Variants in BCR observed in about 807,000 individuals in gnomAD.
BCR encodes the protein BCR activator of RhoGEF and GTPase.
A neutral mutation model predicts 138.6 loss-of-function variants in BCR; 58 were observed. That is an observed-to-expected ratio of 0.42 (90% CI 0.34 to 0.52). BCR has a LOEUF of 0.52. Among genes scored for constraint, BCR ranks in the 20% least tolerant of loss-of-function variants. BCR has a pLI of 0.06. For synonymous variants in BCR, 786 were observed against 730.1 expected (o/e 1.08, Z -1.23); for missense variants, 1,599 against 1,727.2 (o/e 0.93, Z 1.32).
intron 1 of BCR, among the ~76,000 whole-genome samples, chr22:23,212,344 G>T (rs2072695576): frequency 6.6e-6 from 1 of 152,204 alleles, no homozygotes; most frequent in Non-Finnish European, 1.5e-5. Context: ...TCCCTTCACT[G>T]TCCATAGTCC....
Position 23,290,393 on chromosome 22 carries a change from C to T in BCR, c.2762C>T (p.Thr921Ile). ...GFLNVIVHSA[T>I]GFKQSSNLYC... The stretch of plus-strand genomic sequence containing the variant: ...CTGAATGTCATCGTCCACTCAGCCA[C>T]TGGATTTAAGCAGAGTTCAAGTAAG... Residue 921 changes from threonine (T) to isoleucine (I), a missense_variant, in exon 14 of 23, where the codon ACT becomes ATT. Around this residue, in one of 4 missense-constraint regions of BCR, gnomAD observed 590 missense variants for 762.4 expected, o/e 0.77. Coordinates refer to ENST00000305877, the MANE Select transcript of BCR (RefSeq NM_004327.4). 1 of 1,614,160 alleles carries T rather than the reference C, an allele frequency of 6.2e-7. No homozygotes were observed. The highest frequency in any genetic ancestry group is 1.7e-5 in the Admixed American group (1 of 60,030).
chr22:23,257,584 TCTC>T (rs906330785), intron 2 of BCR, among the ~76,000 whole-genome samples: 5 of 152,154 alleles, frequency 3.3e-5, no homozygotes, highest in African/African-American at 4.8e-5. Context: ...CTTCACCTCT[TCTC>T]CTCTTGTGGA....
At chr22:23,205,513 T>C (rs1370027345) in intron 1 of BCR, among the ~76,000 whole-genome samples, 2 of 152,156 alleles carry the variant, frequency 1.3e-5, no homozygotes, top group African/African-American at 2.4e-5. Context: ...CCATTCAGCG[T>C]CCAGGATCCG....
intron 13 of BCR, 61 bp from the exon 14 acceptor site, chr22:23,290,278 C>A: frequency 6.6e-7 from 1 of 1,524,568 alleles, no homozygotes; most frequent in Non-Finnish European, 9.1e-7. Context: ...GCAGAGTTAG[C>A]TTGTCACCTG....
chr22:23,295,938 C>G (rs1036693315), intron 16 of BCR, among the ~76,000 whole-genome samples: 2 of 152,126 alleles, frequency 1.3e-5, no homozygotes, highest in African/African-American at 4.8e-5. Context: ...GGGTACAGCT[C>G]TCTCTTCCCA....
intron 1 of BCR, among the ~76,000 whole-genome samples, chr22:23,218,200 C>T (rs899232347): frequency 4.6e-5 from 7 of 152,184 alleles, no homozygotes; most frequent in Non-Finnish European, 7.3e-5. Flanking sequence ...CCTGCCAGTG[C>T]CCTGGCTTCC....
chr22:23,202,416 A>G (rs2072563317), intron 1 of BCR, among the ~76,000 whole-genome samples: 1 of 152,186 alleles, frequency 6.6e-6, no homozygotes, highest in Non-Finnish European at 1.5e-5. Flanking sequence ...GGTGTTAAGT[A>G]TATTCCTGTC....
intron 1 of BCR, among the ~76,000 whole-genome samples, chr22:23,243,946 C>A (rs2073127233): frequency 6.6e-6 from 1 of 152,064 alleles, no homozygotes; most frequent in African/African-American, 2.4e-5. Context: ...CCGGCTCTAG[C>A]AAATTATTGA....
intron 8 of BCR, among the ~76,000 whole-genome samples, chr22:23,280,820 G>A (rs2073635291): frequency 6.6e-6 from 1 of 152,218 alleles, no homozygotes; most frequent in South Asian, 2.1e-4. Context: ...TCCCCAAAGG[G>A]AGTGTTGTCC....
intron 1 of BCR, among the ~76,000 whole-genome samples, chr22:23,219,118 G>A (rs1307259533): frequency 9.2e-5 from 14 of 152,206 alleles, no homozygotes; most frequent in Non-Finnish European, 1.8e-4. Context: ...AGTGAAAACA[G>A]GAAACCTAAT....
chr22:23,206,105 T>C (rs976947314), intron 1 of BCR, among the ~76,000 whole-genome samples: 3 of 152,166 alleles, frequency 2.0e-5, no homozygotes, highest in African/African-American at 7.2e-5. Context: ...GGTCACTTGG[T>C]TTCTAACTTC....
At chr22:23,243,702 G>A (rs926863347) in intron 1 of BCR, among the ~76,000 whole-genome samples, 2 of 150,490 alleles carry the variant, frequency 1.3e-5, no homozygotes, top group African/African-American at 4.9e-5. Flanking sequence ...AGGCTGGAGT[G>A]CAGTGGCGAG....
chr22:23,313,170 C>G, intron 20 of BCR, 149 bp downstream of exon 20: 2 of 1,012,232 alleles, frequency 2.0e-6, no homozygotes, highest in Non-Finnish European at 1.4e-6. Context: ...AAGCAGGGGA[C>G]CAGAACCGAG....
chr22:23,294,369 C>T (rs376593082), intron 15 of BCR, among the ~76,000 whole-genome samples: 24 of 152,216 alleles, frequency 1.6e-4, no homozygotes, highest in African/African-American at 5.5e-4. Flanking sequence ...AAAAGTGAAC[C>T]TGCATCGACA....
At position 23,181,353 on chromosome 22, in the gene BCR, C is replaced by G. The variant is rs528616365; in HGVS notation, c.393C>G (p.Ala131=). 1 of 1,506,450 alleles carries G rather than the reference C, an allele frequency of 6.6e-7. No individual in the cohort carries two copies. The highest frequency in any genetic ancestry group is 8.8e-7 in the Non-Finnish European group (1 of 1,134,630). The allele number at this position is 1,506,450 out of a possible 1,614,324, so 93.3% of individuals were successfully genotyped here. Residue 131 remains alanine (A), a synonymous_variant, in exon 1 of 23, where the codon GCC becomes GCG. Transcript: ENST00000305877. ...CGGGTAAGGCCAGGCCCGGGACCGCCCGCAGGCCCGGGGCAGCCGCGTCGG... is the reference window on the plus strand; with the variant it reads ...CGGGTAAGGCCAGGCCCGGGACCGCGCGCAGGCCCGGGGCAGCCGCGTCGG... ...GSPGKARPGT[A]RRPGAAASGE... is the part of the protein sequence containing the mutation.
intron 1 of BCR, among the ~76,000 whole-genome samples, chr22:23,205,829 G>T (rs560808272): frequency 6.6e-6 from 1 of 152,114 alleles, no homozygotes; most frequent in Non-Finnish European, 1.5e-5. Flanking sequence ...TAAGGCCTAG[G>T]TCACATGAAA....
intron 1 of BCR, among the ~76,000 whole-genome samples, chr22:23,205,100 A>G (rs1451947876): frequency 6.6e-6 from 1 of 152,264 alleles, no homozygotes; most frequent in East Asian, 1.9e-4. Context: ...TGCAGGCCCC[A>G]CCTGGGATCA....
intron 1 of BCR, among the ~76,000 whole-genome samples, chr22:23,212,588 G>A (rs1282293618): frequency 1.3e-5 from 2 of 152,216 alleles, no homozygotes; most frequent in Non-Finnish European, 1.5e-5. Flanking sequence ...TTGCAGGGCC[G>A]CCAGCATCTC....
chr22:23,233,814 A>AAAG (rs2072989401), intron 1 of BCR, among the ~76,000 whole-genome samples: 1 of 28,510 alleles, frequency 3.5e-5, no homozygotes, highest in African/African-American at 2.2e-4. Flanking sequence ...GAAAAAAAAG[A>AAAG]AAAAAAAAAA....
Sources: gnomAD v4.1 joint callset for allele counts (sites outside exome capture counted in the v4.1 genomes callset) on GRCh38, gnomAD v4.1.1 for gene constraint, gnomAD v4.1.1 regional missense constraint, MANE v1.5 for transcripts, NCBI Gene and HGNC (gene_info 2026-07-23, HGNC 2026-07-21) for gene names.